Variants in CACNA2D4 observed in about 807,000 individuals in gnomAD.
The protein encoded by CACNA2D4 is calcium voltage-gated channel auxiliary subunit alpha2delta 4, also known as voltage-dependent calcium channel subunit alpha-2/delta-4.
In CACNA2D4, 157 loss-of-function variants were observed where a neutral mutation model predicts 163.8. That is an observed-to-expected ratio of 0.96 (90% CI 0.84 to 1.09). The LOEUF is 1.09. Ranked by LOEUF, CACNA2D4 falls within the 50% of genes least tolerant of loss-of-function variation. CACNA2D4 has a pLI of 0.00. For synonymous variants in CACNA2D4, 598 were observed against 586.9 expected (o/e 1.02, Z -0.27); for missense variants, 1,410 against 1,479.9 (o/e 0.95, Z 0.78).
chr12:1,833,983 G>A lies in CACNA2D4; in HGVS notation c.2551+6756C>T, dbSNP rs1489457443. On this transcript the variant is annotated intron_variant, in intron 26 of 37. Transcript: ENST00000382722. This position sits in a 1 kb window ranked among gnomAD's most constrained non-coding sequence, Gnocchi z 4.2. ...CTGGGAGAGGACAGGCCGGATGGAA[G>A]TGGCTGCGTGCTTCTCTATAAAATG... Among the ~76,000 whole-genome samples the A allele has an allele frequency of 6.6e-6, 1 of 152,200 alleles. No homozygotes were observed. The highest frequency in any genetic ancestry group is 1.5e-5 in the Non-Finnish European group (1 of 68,032).
rs575996724 is a variant in CACNA2D4 at position 1,833,524 on chromosome 12, A to G, written c.2551+7215T>C. On this transcript the variant is annotated intron_variant, in intron 26 of 37. Transcript: ENST00000382722. This position sits in a 1 kb window ranked among gnomAD's most constrained non-coding sequence, Gnocchi z 4.2. ...CAGGTACCCACACCTCCTCATCAAC[A>G]CCAGCCTCCTCTCCTTGGCCTCGTG... Among the ~76,000 whole-genome samples, 153 of 152,098 alleles carry G rather than the reference A, an allele frequency of 1.0e-3. No homozygotes were observed. Among genetic ancestry groups the G allele is most frequent in the Non-Finnish European group, 1.6e-3 (111 of 67,972 alleles).
chr12:1,816,663 T>TGTAC, intron 26 of CACNA2D4, among the ~76,000 whole-genome samples: 1 of 152,384 alleles, frequency 6.6e-6, no homozygotes, highest in East Asian at 1.9e-4. Context: ...CTTATCAAGA[T>TGTAC]GTACGTCTTT....
intron 6 of CACNA2D4, among the ~76,000 whole-genome samples, chr12:1,887,381 G>A (rs1866174384): frequency 6.6e-6 from 1 of 152,246 alleles, no homozygotes; most frequent in African/African-American, 2.4e-5. Context: ...GGAGAAGTGT[G>A]ACTTTTAACA....
intron 26 of CACNA2D4, among the ~76,000 whole-genome samples, chr12:1,839,369 G>T (rs564261892): frequency 6.6e-6 from 1 of 152,338 alleles, no homozygotes; most frequent in East Asian, 1.9e-4. Flanking sequence ...GGACCTGATC[G>T]TTCTCAGACA....
intron 4 of CACNA2D4, among the ~76,000 whole-genome samples, chr12:1,909,312 C>T (rs1235877333): frequency 3.3e-5 from 5 of 152,256 alleles, no homozygotes; most frequent in Admixed American, 2.0e-4. Flanking sequence ...CTGCCTCAGC[C>T]TCCTGAGTAG....
rs1390858864 is a variant in CACNA2D4, at chr12:1,883,491, A to G, written c.1352-491T>C. On this transcript the variant is annotated intron_variant, in intron 12 of 37. Transcript: ENST00000382722. This position sits in a 1 kb window ranked among gnomAD's most constrained non-coding sequence, Gnocchi z 4.5. ...GTGGGTGTTACAGCCTATTCCCTGG[A>G]ACCATGGTGACACTCCAAAGCGCAG... 1.3e-5 allele frequency among the ~76,000 whole-genome samples: 2 copies of G among 152,024 alleles called. No homozygotes were observed. The highest frequency in any genetic ancestry group is 2.9e-5 in the Non-Finnish European group (2 of 68,010).
intron 18 of CACNA2D4, among the ~76,000 whole-genome samples, chr12:1,872,450 T>C (rs1315206582): frequency 6.6e-6 from 1 of 152,238 alleles, no homozygotes; most frequent in Non-Finnish European, 1.5e-5. Context: ...GTAACAGTTA[T>C]TCCCACAAGG....
At chr12:1,809,731 C>A (rs532342178) in intron 29 of CACNA2D4, among the ~76,000 whole-genome samples, 1 of 152,150 alleles carries the variant, frequency 6.6e-6, no homozygotes, top group Non-Finnish European at 1.5e-5. Context: ...GGCATTCAGG[C>A]GAGAAAGCAT....
In CACNA2D4 at chr12:1,802,354, C is replaced by T. The variant is rs1863368638; in HGVS notation, c.2722-710G>A. ...TTACTCAAATGCAACATGGATGGGT[C>T]ACTCTTGCCTTCATTTCCAAAAAAT... is the stretch of plus-strand genomic sequence containing the variant. On this transcript the variant is annotated intron_variant, in intron 29 of 37. Coordinates refer to ENST00000382722, the MANE Select transcript of CACNA2D4 (RefSeq NM_172364.5). The surrounding 1 kb of genome is among the most constrained non-coding windows in gnomAD (Gnocchi z 4.7). Among the ~76,000 whole-genome samples, 2 of 152,202 alleles carry T rather than the reference C, an allele frequency of 1.3e-5. No homozygotes were observed.
intron 3 of CACNA2D4, among the ~76,000 whole-genome samples, chr12:1,911,491 T>G (rs1296250493): frequency 2.0e-5 from 3 of 151,942 alleles, no homozygotes; most frequent in Non-Finnish European, 4.4e-5. Context: ...TTGGGTAGGA[T>G]AATTCCTGCC....
At chr12:1,822,016 C>A (rs1192268785) in intron 26 of CACNA2D4, 1 of 152,086 alleles carries the variant, frequency 6.6e-6, no homozygotes, top group Non-Finnish European at 1.5e-5. Flanking sequence ...GTAGGGAAAC[C>A]CGACAGCAGC....
At chr12:1,821,864 G>A (rs949600797) in intron 26 of CACNA2D4, among the ~76,000 whole-genome samples, 1 of 152,086 alleles carries the variant, frequency 6.6e-6, no homozygotes, top group African/African-American at 2.4e-5. Flanking sequence ...ATTTCTGGGG[G>A]GTGTTGGCAC....
intron 6 of CACNA2D4, among the ~76,000 whole-genome samples, chr12:1,897,324 G>A (rs985380682): frequency 6.6e-6 from 1 of 152,156 alleles, no homozygotes; most frequent in African/African-American, 2.4e-5. Context: ...TAGCAGAGTA[G>A]GGTGACTATA....
Position 1,918,284 on chromosome 12 carries a change from A to G in CACNA2D4, c.190T>C (p.Ser64Pro). The G allele has an allele frequency of 6.2e-7, 1 of 1,609,956 alleles. No homozygotes were observed. The highest frequency in any genetic ancestry group is 8.5e-7 in the Non-Finnish European group (1 of 1,178,248). Residue 64 changes from serine to proline, a missense_variant, in exon 1 of 38, where the codon TCC (serine) becomes CCC (proline). Transcript: ENST00000382722. The part of the protein sequence containing the change: ...LWLLLLGTSL[S>P]PAWGQAKIPL... ...ATCTTGGCCTGTCCCCACGCAGGGG[A>G]CAGGGAGGTGCCTAGAAGCAGCAGC...
At chr12:1,811,021 T>A (rs1467326993) in intron 27 of CACNA2D4, among the ~76,000 whole-genome samples, 1 of 152,206 alleles carries the variant, frequency 6.6e-6, no homozygotes, top group Non-Finnish European at 1.5e-5. Flanking sequence ...GTGGGGCTCC[T>A]GCACTGGCTG....
chr12:1,799,656 C>T lies in CACNA2D4; in HGVS notation c.2995+19G>A. 6.4e-7 allele frequency: 1 copy of T among 1,564,492 alleles called. No homozygotes were observed. The highest frequency in any genetic ancestry group is 8.7e-7 in the Non-Finnish European group (1 of 1,154,654). ...CCCAACCCACCGCCAGCAGGGATGGCCTCAGCTGGGCTACTTACAGTGATG... is the reference window on the plus strand; with the variant it reads ...CCCAACCCACCGCCAGCAGGGATGGTCTCAGCTGGGCTACTTACAGTGATG... On this transcript the variant is annotated intron_variant, in intron 34 of 37. Transcript: ENST00000382722. The surrounding 1 kb of genome is among the most constrained non-coding windows in gnomAD (Gnocchi z 4.7).
chr12:1,830,055 C>G (rs897274045), intron 26 of CACNA2D4, among the ~76,000 whole-genome samples: 1 of 152,190 alleles, frequency 6.6e-6, no homozygotes, highest in Non-Finnish European at 1.5e-5. Flanking sequence ...GGGTCTTGGG[C>G]AAAAGATGGG....
In CACNA2D4 at chr12:1,801,508, A is replaced by G. The variant is rs935694433; in HGVS notation, c.2792+66T>C. 1.4e-5 allele frequency: 18 copies of G among 1,294,444 alleles called. No homozygotes were observed. The Middle Eastern group carries it at 1.1e-3, about 80-fold the overall frequency. The allele number at this position is 1,294,444 out of a possible 1,614,324, so 80.2% of individuals were successfully genotyped here. A position where few individuals can be genotyped will look rare whatever the true frequency, so the allele number is the denominator to read the frequency against. On this transcript the variant is annotated intron_variant, in intron 30 of 37. Transcript: ENST00000382722. ...GGTCAGGATCCTGAGATCCGCCAGGACCACTTAGCGTCAGCTCTCGGTTTG... is the reference window on the plus strand; with the variant it reads ...GGTCAGGATCCTGAGATCCGCCAGGGCCACTTAGCGTCAGCTCTCGGTTTG...
chr12:1,838,427 C>T (rs1033059561), intron 26 of CACNA2D4, among the ~76,000 whole-genome samples: 8 of 152,216 alleles, frequency 5.3e-5, no homozygotes, highest in African/African-American at 1.9e-4. Flanking sequence ...AAATGAACCA[C>T]CTACCCCTCC....
Sources: gnomAD v4.1 joint callset for allele counts (sites outside exome capture counted in the v4.1 genomes callset) on GRCh38, gnomAD v4.1.1 for gene constraint, Gnocchi (gnomAD v3.1) non-coding constraint, MANE v1.5 for transcripts, NCBI Gene and HGNC (gene_info 2026-07-23, HGNC 2026-07-21) for gene names.